CDC14B: variants seen among roughly 807,000 people sequenced by gnomAD.
CDC14B encodes dual specificity protein phosphatase CDC14B.
Under a neutral mutation model 64.2 loss-of-function variants are expected in CDC14B, and 22 were observed. That is an observed-to-expected ratio of 0.34 (90% CI 0.24 to 0.49). The LOEUF (loss-of-function observed/expected upper bound fraction) is 0.49. Ranked by LOEUF, CDC14B falls within the 20% of genes least tolerant of loss-of-function variation. The pLI is 0.99. For synonymous variants in CDC14B, 191 were observed against 215.8 expected (o/e 0.89, Z 1.01); for missense variants, 498 against 629.9 (o/e 0.79, Z 2.24).
chr9:96,540,136 A>G (rs1402872587), intron 6 of CDC14B, among the ~76,000 whole-genome samples: 1 of 152,216 alleles, frequency 6.6e-6, no homozygotes. Context: ...AGCTATTTCT[A>G]ATAGAATGAA....
downstream of CDC14B, among the ~76,000 whole-genome samples, chr9:96,499,859 G>A (rs918718110): frequency 1.1e-4 from 17 of 152,338 alleles, no homozygotes; most frequent in Admixed American, 9.1e-4. Flanking sequence ...GAGGCCCTGC[G>A]AGGAGGCAGC....
At chr9:96,495,214 G>A (rs534293261), downstream of CDC14B, among the ~76,000 whole-genome samples, 166 of 152,148 alleles carry the variant, frequency 1.1e-3, 1 homozygote, top group Admixed American at 3.8e-3. Flanking sequence ...CATTTGTAAG[G>A]TAAGGAGTGC....
chr9:96,606,099 T>C (rs1443414137), intron 1 of CDC14B, among the ~76,000 whole-genome samples: 3 of 151,566 alleles, frequency 2.0e-5, no homozygotes, highest in South Asian at 4.2e-4. Flanking sequence ...TTTGGGAGGC[T>C]CAGGTGGGCA....
chr9:96,607,413 C>CT (rs999912549), intron 1 of CDC14B, among the ~76,000 whole-genome samples: 2,369 of 66,326 alleles, frequency 0.036, 85 homozygotes, highest in African/African-American at 0.065. Flanking sequence ...AACGTGATGT[C>CT]TTTTTTTTTT....
At chr9:96,521,526 GTCTTT>G (rs2131518718) in intron 12 of CDC14B, among the ~76,000 whole-genome samples, 1 of 152,264 alleles carries the variant, frequency 6.6e-6, no homozygotes, top group Non-Finnish European at 1.5e-5. Flanking sequence ...TTTGCCTTGG[GTCTTT>G]TAAGAAGAAC....
At chr9:96,522,461 C>G (rs768209280) in intron 12 of CDC14B, 45 bp downstream of exon 12, 1 of 1,259,284 alleles carries the variant, frequency 7.9e-7, no homozygotes, top group Non-Finnish European at 1.2e-6. Context: ...GGACCCCACA[C>G]ACATATGAAG....
Position 96,541,733 on chromosome 9 carries a change from C to A in CDC14B, c.564+93G>T, listed in dbSNP as rs16911167. 0.015 allele frequency: 11,726 copies of A among 804,922 alleles called. 993 individuals carry two copies. The African/African-American group carries it at 0.18, about 12-fold the overall frequency. The allele number at this position is 804,922 out of a possible 1,614,324, so 49.9% of individuals were successfully genotyped here. A position where few individuals can be genotyped will look rare whatever the true frequency, so the allele number is the denominator to read the frequency against. On this transcript the variant is annotated intron_variant, in intron 6 of 13. Coordinates refer to ENST00000375241, the MANE Select transcript of CDC14B (RefSeq NM_033331.4). ...CACCATAGGCATCTTGGAAGAAACA[C>A]TAACAAAAAGATCTCGGGAAGAAGG...
At chr9:96,544,086 G>T (rs750906760) in intron 5 of CDC14B, among the ~76,000 whole-genome samples, 2 of 151,882 alleles carry the variant, frequency 1.3e-5, no homozygotes, top group African/African-American at 4.8e-5. Context: ...GCATGGTGGC[G>T]CGCACCTGTA....
intron 4 of CDC14B, 154 bp downstream of exon 4, chr9:96,562,539 C>G (rs968597901): frequency 9.5e-6 from 6 of 629,586 alleles, no homozygotes; most frequent in African/African-American, 1.8e-5. Flanking sequence ...CACATAAGCA[C>G]AGCTTCCTTG....
At chr9:96,495,125 C>T (rs571102338), downstream of CDC14B, among the ~76,000 whole-genome samples, 21 of 152,174 alleles carry the variant, frequency 1.4e-4, no homozygotes, top group African/African-American at 4.6e-4. Context: ...TGAGCCACCG[C>T]GCCTGGCCTG....
chr9:96,515,776 G>C lies in CDC14B; in HGVS notation c.1344-5987C>G. On this transcript the variant is annotated intron_variant, in intron 12 of 13. Coordinates refer to ENST00000375241, the MANE Select transcript of CDC14B (RefSeq NM_033331.4). This position sits in a 1 kb window ranked among gnomAD's most constrained non-coding sequence, Gnocchi z 4.3. ...ACAACACTACACAGTGCAGAGGTCA[G>C]CACAGCTAGGGGACATCTGGAAAGG... The C allele has an allele frequency of 6.2e-7, 1 of 1,600,696 alleles. No homozygotes were observed. Among genetic ancestry groups the C allele is most frequent in the Non-Finnish European group, 8.5e-7 (1 of 1,174,146 alleles).
intron 4 of CDC14B, among the ~76,000 whole-genome samples, chr9:96,559,893 T>C (rs1319953087): frequency 6.6e-6 from 1 of 152,192 alleles, no homozygotes; most frequent in Non-Finnish European, 1.5e-5. Context: ...TAAGCTTCTG[T>C]GGTCCAAAAT....
At chr9:96,533,541 G>A (rs1295769669) in intron 9 of CDC14B, among the ~76,000 whole-genome samples, 1 of 152,024 alleles carries the variant, frequency 6.6e-6, no homozygotes, top group Non-Finnish European at 1.5e-5. Flanking sequence ...ATTTATTATT[G>A]TATAGTCATT....
At chr9:96,595,289 G>A (rs759961006) in intron 1 of CDC14B, among the ~76,000 whole-genome samples, 2 of 152,112 alleles carry the variant, frequency 1.3e-5, no homozygotes, top group Non-Finnish European at 2.9e-5. Context: ...ATAACAATAC[G>A]AAAATATTTA....
intron 1 of CDC14B, among the ~76,000 whole-genome samples, chr9:96,609,777 C>T (rs1342490304): frequency 6.6e-6 from 1 of 152,144 alleles, no homozygotes; most frequent in Admixed American, 6.5e-5. Flanking sequence ...CAATAAATAT[C>T]ACAGACATCA....
At chr9:96,513,428 C>T (rs549737306) in intron 12 of CDC14B, among the ~76,000 whole-genome samples, 37 of 152,172 alleles carry the variant, frequency 2.4e-4, no homozygotes, top group Non-Finnish European at 4.9e-4. Context: ...TGCCTTCCAA[C>T]CCAGGCCAAG....
At chr9:96,551,458 G>A (rs993877769) in intron 5 of CDC14B, among the ~76,000 whole-genome samples, 5 of 152,144 alleles carry the variant, frequency 3.3e-5, no homozygotes, top group African/African-American at 4.8e-5. Context: ...AGTTCTCAGC[G>A]TAGGGAGATT....
chr9:96,573,669 A>G (rs1312691793), intron 1 of CDC14B, among the ~76,000 whole-genome samples: 24 of 152,268 alleles, frequency 1.6e-4, no homozygotes. Flanking sequence ...ATAAATTTAC[A>G]TGTTACATGT....
intron 1 of CDC14B, among the ~76,000 whole-genome samples, chr9:96,586,324 T>C (rs1845455358): frequency 6.6e-6 from 1 of 152,180 alleles, no homozygotes; most frequent in Non-Finnish European, 1.5e-5. Context: ...GTAAATGACA[T>C]TGCAACTTTA....
Sources: gnomAD v4.1 joint callset for allele counts (sites outside exome capture counted in the v4.1 genomes callset) on GRCh38, gnomAD v4.1.1 for gene constraint, Gnocchi (gnomAD v3.1) non-coding constraint, MANE v1.5 for transcripts, NCBI Gene and HGNC (gene_info 2026-07-23, HGNC 2026-07-21) for gene names.